Variants in TRMT9B observed in about 807,000 individuals in gnomAD.
TRMT9B encodes the protein tRNA methyltransferase 9B (putative).
Under a neutral mutation model 11.5 loss-of-function variants are expected in TRMT9B, and 16 were observed. The ratio of observed to expected loss-of-function variants is 1.39; its 90% CI spans 0.94 to 2.11. The LOEUF is 2.11. TRMT9B is among the 30% of genes most tolerant of loss of function. The probability of loss-of-function intolerance (pLI) is 0.00; values close to 1 mark genes in which losing one functional copy is unlikely to be tolerated. For missense variants in TRMT9B, 941 were observed against 553.8 expected (o/e 1.70, Z -7.02); for synonymous variants, 274 against 192.4 (o/e 1.42, Z -3.51).
intron 1 of TRMT9B, among the ~76,000 whole-genome samples, chr8:12,949,048 A>G (rs1800409892): frequency 6.6e-6 from 1 of 152,224 alleles, no homozygotes; most frequent in Non-Finnish European, 1.5e-5. Context: ...AACACACTTT[A>G]TAATTCTTCC....
In TRMT9B at chr8:13,005,032, G is replaced by A. The variant is rs115639129; in HGVS notation, c.-1-1170G>A. On this transcript the variant is annotated intron_variant, in intron 2 of 4. Coordinates refer to ENST00000524591, the MANE Select transcript of TRMT9B (RefSeq NM_020844.3). The stretch of plus-strand genomic sequence containing the variant: ...GAACTTGCTACAGAGGTTACACTGA[G>A]CCGAGATCATGCCACTGCACTCCAG... Among the ~76,000 whole-genome samples the A allele has an allele frequency of 1.3e-3, 189 of 150,462 alleles. 2 individuals carry two copies. Among genetic ancestry groups the A allele is most frequent in the African/African-American group, 4.6e-3 (188 of 40,674 alleles).
At chr8:13,015,580 C>G (rs1812496664) in intron 4 of TRMT9B, among the ~76,000 whole-genome samples, 1 of 152,086 alleles carries the variant, frequency 6.6e-6, no homozygotes, top group South Asian at 2.1e-4. Context: ...TCCTGAAGTC[C>G]AGGGCTCAAC....
chr8:12,995,574 T>C (rs1808192701), intron 2 of TRMT9B, among the ~76,000 whole-genome samples: 1 of 152,182 alleles, frequency 6.6e-6, no homozygotes, highest in Non-Finnish European at 1.5e-5. Flanking sequence ...TCCCCTGGTT[T>C]CTTTCTTCTT....
rs557085031 is a variant in TRMT9B, at chr8:13,002,792, T to C, written c.-1-3410T>C. Among the ~76,000 whole-genome samples, 148 of 152,272 alleles carry C rather than the reference T, an allele frequency of 9.7e-4. 2 individuals are homozygous for C. In the South Asian group the frequency reaches 0.011, roughly 11 times the overall value. ...TGCATAGTCTCAAAGTCTCTCTCCA[T>C]ACAGGGAAGACACCGTCTTACCCAA... On this transcript the variant is annotated intron_variant, in intron 2 of 4. Coordinates refer to ENST00000524591, the MANE Select transcript of TRMT9B (RefSeq NM_020844.3).
intron 1 of TRMT9B, among the ~76,000 whole-genome samples, chr8:12,988,427 TTCTCA>T (rs1806715679): frequency 6.6e-6 from 1 of 152,204 alleles, no homozygotes; most frequent in Non-Finnish European, 1.5e-5. Context: ...TATTAGTCCA[TTCTCA>T]GGCTACTAAT....
chr8:13,003,700 T>C (rs150884282), intron 2 of TRMT9B, among the ~76,000 whole-genome samples: 2 of 151,172 alleles, frequency 1.3e-5, no homozygotes, highest in Admixed American at 1.3e-4. Flanking sequence ...TCTGAAGAAG[T>C]TGAAGGTAAG....
intron 4 of TRMT9B, among the ~76,000 whole-genome samples, chr8:13,013,685 G>T (rs1335737141): frequency 6.6e-6 from 1 of 152,186 alleles, no homozygotes; most frequent in Non-Finnish European, 1.5e-5. Context: ...GGGTGCAGCG[G>T]CTCATGCCTG....
chr8:12,972,268 C>T (rs1422520190), intron 1 of TRMT9B, among the ~76,000 whole-genome samples: 6 of 152,084 alleles, frequency 3.9e-5, no homozygotes, highest in Non-Finnish European at 7.4e-5. Context: ...CGAGGGGTCC[C>T]CAGAGCTGGG....
intron 2 of TRMT9B, among the ~76,000 whole-genome samples, chr8:12,999,939 A>G (rs1480003761): frequency 6.6e-6 from 1 of 152,232 alleles, no homozygotes; most frequent in African/African-American, 2.4e-5. Context: ...TTATGAAGAA[A>G]AAAGGGGGAA....
In TRMT9B at chr8:13,021,888, G is replaced by C. The variant is rs1814007850; in HGVS notation, c.1209G>C (p.Leu403Phe). ...TCGAAGATCCACAGACTGATGTTTT[G>C]GACTCCACAGCCTTTATGCGCTACT... is the stretch of plus-strand genomic sequence containing the variant. ...MSVEDPQTDV[L>F]DSTAFMRYYH... Residue 403 changes from leucine (L) to phenylalanine (F), a missense_variant, in exon 5 of 5, where the codon TTG becomes TTC. Coordinates refer to ENST00000524591, the MANE Select transcript of TRMT9B (RefSeq NM_020844.3). 15 of 1,613,792 alleles carry C rather than the reference G, an allele frequency of 9.3e-6. No homozygotes were observed. Among genetic ancestry groups the C allele is most frequent in the Non-Finnish European group, 1.1e-5 (13 of 1,179,886 alleles).
chr8:12,948,127 C>T (rs1307857028), intron 1 of TRMT9B, among the ~76,000 whole-genome samples: 1 of 152,172 alleles, frequency 6.6e-6, no homozygotes, highest in Non-Finnish European at 1.5e-5. Flanking sequence ...GCATTTAACA[C>T]ACCTAACCTA....
chr8:12,964,054 A>G (rs1456576326), intron 1 of TRMT9B, among the ~76,000 whole-genome samples: 1 of 152,192 alleles, frequency 6.6e-6, no homozygotes, highest in Admixed American at 6.5e-5. Context: ...GAACTGTGTA[A>G]CTTCTCATTT....
chr8:13,012,975 T>G (rs1811938097), intron 4 of TRMT9B, 118 bp downstream of exon 4: 1 of 1,258,312 alleles, frequency 7.9e-7, no homozygotes, highest in African/African-American at 1.5e-5. Context: ...TTATTTTATC[T>G]AATTTAAAAA....
intron 2 of TRMT9B, among the ~76,000 whole-genome samples, chr8:13,002,979 C>T (rs1302240709): frequency 1.3e-5 from 2 of 152,066 alleles, no homozygotes; most frequent in Non-Finnish European, 2.9e-5. Flanking sequence ...TAACCAAAGC[C>T]AATACTACCC....
chr8:13,018,263 G>T (rs750655756), intron 4 of TRMT9B, among the ~76,000 whole-genome samples: 1 of 151,680 alleles, frequency 6.6e-6, no homozygotes, highest in African/African-American at 2.4e-5. Context: ...TTAGCTGGGT[G>T]TGGTGATATA....
At chr8:13,009,575 T>C (rs1050185869) in intron 3 of TRMT9B, among the ~76,000 whole-genome samples, 4 of 152,172 alleles carry the variant, frequency 2.6e-5, no homozygotes, top group African/African-American at 4.8e-5. Flanking sequence ...AGATGTTTTA[T>C]GTAAAAATAA....
At chr8:13,007,722 A>T (rs115640461) in intron 3 of TRMT9B, 38 of 152,346 alleles carry the variant, frequency 2.5e-4, no homozygotes, top group African/African-American at 9.1e-4. Flanking sequence ...ACGTACCAGG[A>T]TCTTAAAATC....
chr8:12,997,583 C>A (rs1193801135), intron 2 of TRMT9B, among the ~76,000 whole-genome samples: 1 of 152,174 alleles, frequency 6.6e-6, no homozygotes, highest in African/African-American at 2.4e-5. Context: ...AACTTCCATG[C>A]TACCCTGGTA....
chr8:12,948,704 TAATCC>T (rs1800386395), intron 1 of TRMT9B, among the ~76,000 whole-genome samples: 1 of 152,048 alleles, frequency 6.6e-6, no homozygotes, highest in East Asian at 1.9e-4. Context: ...CTCATGCCTG[TAATCC>T]CAGCACTTTG....
Sources: allele counts gnomAD v4.1 joint callset (sites outside exome capture counted in the v4.1 genomes callset), GRCh38; gene constraint gnomAD v4.1.1; transcripts MANE v1.5; gene names NCBI Gene and HGNC (gene_info 2026-07-23, HGNC 2026-07-21).